PTPRM: variants seen among roughly 807,000 people sequenced by gnomAD.
PTPRM encodes protein tyrosine phosphatase receptor type M.
In PTPRM, 47 loss-of-function variants were observed where a neutral mutation model predicts 186.7. That is an observed-to-expected ratio of 0.25 (90% confidence interval 0.20 to 0.32). The LOEUF (loss-of-function observed/expected upper bound fraction) is 0.32. Among genes scored for constraint, PTPRM ranks in the 10% least tolerant of loss-of-function variants. PTPRM has a pLI of 1.00. For synonymous variants in PTPRM, 668 were observed against 674.9 expected, an observed-to-expected ratio of 0.99 and a Z score of 0.16; for missense variants, 1,494 against 1,865.0, an observed-to-expected ratio of 0.80 and a Z score of 3.66.
chr18:7,995,885 T>TG (rs1428987199), intron 7 of PTPRM: 1 of 152,214 alleles, frequency 6.6e-6, no homozygotes, highest in Admixed American at 6.5e-5. Context: ...ACATGTCAAG[T>TG]GAGAGCTTTT....
intron 22 of PTPRM, among the ~76,000 whole-genome samples, chr18:8,342,680 G>A (rs2095481605): frequency 6.6e-6 from 1 of 152,152 alleles, no homozygotes. Flanking sequence ...ACACAAAGTC[G>A]AGTTTGGGTT....
intron 31 of PTPRM, among the ~76,000 whole-genome samples, chr18:8,392,264 T>C (rs1484344140): frequency 3.3e-5 from 5 of 152,226 alleles, no homozygotes; most frequent in African/African-American, 7.2e-5. Context: ...AGAAATTTGA[T>C]AATTTTAAAA....
intron 7 of PTPRM, among the ~76,000 whole-genome samples, chr18:7,973,396 A>C (rs1387341049): frequency 2.6e-5 from 4 of 152,310 alleles, no homozygotes; most frequent in African/African-American, 9.6e-5. Flanking sequence ...CGAGCATTGA[A>C]TATTAATGAT....
intron 7 of PTPRM, among the ~76,000 whole-genome samples, chr18:8,003,107 C>T (rs947808499): frequency 4.6e-5 from 7 of 152,044 alleles, no homozygotes; most frequent in African/African-American, 1.7e-4. Context: ...TGGCAGTGTC[C>T]CCACCCAAAT....
chr18:8,016,770 T>C (rs2084894840), intron 7 of PTPRM, among the ~76,000 whole-genome samples: 1 of 152,168 alleles, frequency 6.6e-6, no homozygotes, highest in South Asian at 2.1e-4. Context: ...ATTTGGTCAC[T>C]AGAAATGCGG....
intron 14 of PTPRM, among the ~76,000 whole-genome samples, chr18:8,203,053 C>T (rs1016038642): frequency 2.6e-5 from 4 of 152,222 alleles, no homozygotes; most frequent in African/African-American, 7.2e-5. Flanking sequence ...TTCTTGGTTA[C>T]GGCGAATCAA....
intron 13 of PTPRM, among the ~76,000 whole-genome samples, chr18:8,117,932 C>A (rs1310801560): frequency 6.6e-6 from 1 of 151,898 alleles, no homozygotes; most frequent in Non-Finnish European, 1.5e-5. Context: ...TTTTTTATGA[C>A]CATTTGGTCC....
chr18:7,732,849 G>A (rs967142245), intron 1 of PTPRM, among the ~76,000 whole-genome samples: 11 of 152,086 alleles, frequency 7.2e-5, no homozygotes, highest in African/African-American at 2.7e-4. Context: ...CGCAGAATAA[G>A]AATCCCTGTG....
chr18:7,948,718 A>C (rs139032365), intron 5 of PTPRM, among the ~76,000 whole-genome samples: 2 of 152,298 alleles, frequency 1.3e-5, no homozygotes, highest in African/African-American at 2.4e-5. Flanking sequence ...GTACTCTAAA[A>C]CCTAACTTAT....
intron 1 of PTPRM, among the ~76,000 whole-genome samples, chr18:7,725,094 T>C (rs758361246): frequency 1.2e-4 from 18 of 152,186 alleles, no homozygotes; most frequent in Admixed American, 3.3e-4. Flanking sequence ...TTCTGGTTAT[T>C]CACCACATCT....
At chr18:8,175,017 T>C (rs2093461048) in intron 14 of PTPRM, among the ~76,000 whole-genome samples, 1 of 152,232 alleles carries the variant, frequency 6.6e-6, no homozygotes, top group African/African-American at 2.4e-5. Context: ...TGACACTGTT[T>C]ACATGCTAAT....
intron 13 of PTPRM, among the ~76,000 whole-genome samples, chr18:8,139,737 T>C (rs993201104): frequency 3.3e-5 from 5 of 152,126 alleles, no homozygotes; most frequent in African/African-American, 1.2e-4. Flanking sequence ...AATGTTATTT[T>C]CTCAGTAATT....
intron 22 of PTPRM, among the ~76,000 whole-genome samples, chr18:8,328,553 T>C (rs1598321521): frequency 6.6e-6 from 1 of 152,336 alleles, no homozygotes; most frequent in Middle Eastern, 3.4e-3. Flanking sequence ...TTGGATTCAT[T>C]TGTTATGTCC....
chr18:7,610,450 T>A (rs1163177122), intron 1 of PTPRM, among the ~76,000 whole-genome samples: 1 of 152,154 alleles, frequency 6.6e-6, no homozygotes, highest in African/African-American at 2.4e-5. Context: ...ATTGTTTGGG[T>A]CCTTGAAAAT....
chr18:8,300,364 C>T (rs1173108583), intron 20 of PTPRM, among the ~76,000 whole-genome samples: 1 of 152,110 alleles, frequency 6.6e-6, no homozygotes, highest in Non-Finnish European at 1.5e-5. Context: ...GTCAGAATTT[C>T]CTGACAAGAT....
intron 22 of PTPRM, among the ~76,000 whole-genome samples, chr18:8,322,376 T>C (rs1325262862): frequency 6.6e-6 from 1 of 152,174 alleles, no homozygotes; most frequent in African/African-American, 2.4e-5. Context: ...TCAAGCCAGA[T>C]CTGTTGCTTT....
chr18:8,327,451 C>T (rs1363433787), intron 22 of PTPRM, among the ~76,000 whole-genome samples: 2 of 152,194 alleles, frequency 1.3e-5, no homozygotes, highest in African/African-American at 4.8e-5. Context: ...AAGAAGGGGT[C>T]GGAGAGTTTA....
In PTPRM at chr18:8,247,846, T is replaced by A. The variant is rs1401197996; in HGVS notation, c.2454T>A (p.Ser818=). 1 of 1,593,056 alleles carries A rather than the reference T, an allele frequency of 6.3e-7. No individual in the cohort carries two copies. Among genetic ancestry groups the A allele is most frequent in the Non-Finnish European group, 8.6e-7 (1 of 1,160,826 alleles). The change falls in exon 16 of 33, where the codon TCT becomes TCA. Residue 818 remains serine, a splice_region_variant and synonymous_variant. Transcript: ENST00000580170. The part of the protein sequence containing the change: ...FMDTHNLNGR[S]VSSPSSFTMK... ...GACCAGCCTCTCTTTTATTTACAGC[T>A]GTGTCTTCACCATCGTCCTTCACAA...
intron 31 of PTPRM, among the ~76,000 whole-genome samples, chr18:8,388,368 G>A (rs1338894685): frequency 6.6e-6 from 1 of 152,034 alleles, no homozygotes; most frequent in Non-Finnish European, 1.5e-5. Flanking sequence ...TGCAGACCTG[G>A]CTCAGGGCGT....
Sources: gnomAD v4.1 joint callset for allele counts (sites outside exome capture counted in the v4.1 genomes callset) on GRCh38, gnomAD v4.1.1 for gene constraint, MANE v1.5 for transcripts, NCBI Gene and HGNC (gene_info 2026-07-23, HGNC 2026-07-21) for gene names.